CNTN6: variants seen among roughly 807,000 people sequenced by gnomAD.
CNTN6 encodes the protein contactin-6.
CNTN6 carries 137 observed loss-of-function variants against 122.8 expected under a neutral mutation model. The ratio of observed to expected loss-of-function variants is 1.12; its 90% CI spans 0.97 to 1.29. The LOEUF (loss-of-function observed/expected upper bound fraction) is 1.29. Among genes scored for constraint, CNTN6 ranks in the 50% most tolerant of loss-of-function variants. The pLI is 0.00. For missense variants in CNTN6, 1,634 were observed against 1,223.4 expected (o/e 1.34, Z -5.01); for synonymous variants, 570 against 426.0 (o/e 1.34, Z -4.16).
At chr3:1,206,711 A>G (rs545896913) in intron 2 of CNTN6, among the ~76,000 whole-genome samples, 1 of 152,084 alleles carries the variant, frequency 6.6e-6, no homozygotes, top group Non-Finnish European at 1.5e-5. Context: ...TCCTCACTCC[A>G]TTCAGGATGT....
intron 5 of CNTN6, among the ~76,000 whole-genome samples, chr3:1,285,055 A>G (rs1694104411): frequency 1.3e-5 from 2 of 152,170 alleles, no homozygotes; most frequent in South Asian, 4.1e-4. Flanking sequence ...GTAAAAATTT[A>G]CTCTGGATAG....
At chr3:1,288,440 G>A (rs532226821) in intron 5 of CNTN6, among the ~76,000 whole-genome samples, 7 of 152,282 alleles carry the variant, frequency 4.6e-5, no homozygotes, top group African/African-American at 1.7e-4. Flanking sequence ...TTTTGCCACT[G>A]AGCTAGCATA....
chr3:1,104,817 T>C (rs1476746988), intron 1 of CNTN6, among the ~76,000 whole-genome samples: 1 of 152,152 alleles, frequency 6.6e-6, no homozygotes, highest in African/African-American at 2.4e-5. Flanking sequence ...CTTTATAGCT[T>C]GTTTTTATTA....
intron 20 of CNTN6, among the ~76,000 whole-genome samples, chr3:1,388,225 ACACTGCCTCCTCAAGTGGGTCCCT>A: frequency 6.7e-6 from 1 of 149,696 alleles, no homozygotes; most frequent in Admixed American, 6.7e-5. Context: ...GAGAACTGGC[ACACTGCCTCCTCAAGTGGGTCCCT>A]GACCCCTGAC....
chr3:1,331,975 C>T (rs1036528169), intron 11 of CNTN6, among the ~76,000 whole-genome samples: 1 of 151,920 alleles, frequency 6.6e-6, no homozygotes, highest in Non-Finnish European at 1.5e-5. Flanking sequence ...ACCACAGTTA[C>T]TAATAATCAT....
intron 13 of CNTN6, 79 bp from the exon 14 acceptor site, chr3:1,372,759 A>G: frequency 1.2e-6 from 1 of 868,330 alleles, no homozygotes; most frequent in Admixed American, 2.4e-5. Flanking sequence ...TATGTTTCGT[A>G]TTTATCCAGC....
intron 8 of CNTN6, among the ~76,000 whole-genome samples, chr3:1,322,656 G>A (rs1701025564): frequency 6.6e-6 from 1 of 151,650 alleles, no homozygotes; most frequent in Admixed American, 6.6e-5. Context: ...GTATGTGTGT[G>A]TGTGTGTAAT....
At chr3:1,184,372 A>G (rs1023970290) in intron 2 of CNTN6, among the ~76,000 whole-genome samples, 2 of 152,164 alleles carry the variant, frequency 1.3e-5, no homozygotes. Flanking sequence ...CTAACCCAGA[A>G]ATTACAGTGA....
rs1481833174 is a variant in CNTN6 at position 1,329,847 on chromosome 3, G to T, written c.1276G>T (p.Asp426Tyr). The change falls in exon 11 of 23, where the codon GAT becomes TAT. Residue 426 changes from aspartate to tyrosine, a missense_variant. Asp to Tyr is a radical substitution (Grantham distance 160, BLOSUM62 -3). Transcript: ENST00000446702. ...KKKSFVQVGG[D>Y]IVIGCKPNAF... ...AAAGTCTTTTGTTCAAGTTGGTGGGGATATTGTTATCGGATGCAAACCAAA... is the reference window on the plus strand; with the variant it reads ...AAAGTCTTTTGTTCAAGTTGGTGGGTATATTGTTATCGGATGCAAACCAAA... 6.2e-7 allele frequency: 1 copy of T among 1,611,050 alleles called. No homozygotes were observed. Among genetic ancestry groups the T allele is most frequent in the Non-Finnish European group, 8.5e-7 (1 of 1,178,126 alleles).
intron 1 of CNTN6, among the ~76,000 whole-genome samples, chr3:1,141,077 A>G (rs983013933): frequency 2.6e-5 from 4 of 152,212 alleles, no homozygotes; most frequent in Non-Finnish European, 4.4e-5. Context: ...GATTTAGCTT[A>G]AAAGTAAATA....
intron 5 of CNTN6, among the ~76,000 whole-genome samples, chr3:1,279,671 A>G (rs1693026416): frequency 6.6e-6 from 1 of 152,198 alleles, no homozygotes; most frequent in South Asian, 2.1e-4. Flanking sequence ...CCACTCTGGA[A>G]TGGGAGAACT....
At chr3:1,394,242 AC>A (rs1390513161) in intron 20 of CNTN6, 1 of 239,768 alleles carries the variant, frequency 4.2e-6, no homozygotes, top group Non-Finnish European at 8.3e-6. Context: ...TGCCAGCCCC[AC>A]TGCCAGGAAC....
intron 7 of CNTN6, among the ~76,000 whole-genome samples, chr3:1,310,875 C>T (rs1699122193): frequency 6.6e-6 from 1 of 152,010 alleles, no homozygotes; most frequent in Non-Finnish European, 1.5e-5. Context: ...GTGGTGCACA[C>T]CTGTAATCCC....
chr3:1,321,921 A>T, intron 8 of CNTN6, 87 bp downstream of exon 8: 1 of 1,178,546 alleles, frequency 8.5e-7, no homozygotes, highest in Non-Finnish European at 1.2e-6. Context: ...TGTTGTGAAA[A>T]AGTGTCACGG....
rs1244118250 is a variant in CNTN6 at position 1,321,818 on chromosome 3, T to C, written c.930T>C (p.Gly310=). ...TTCGAGGAAGAAACCTTGCAAAGGG[T>C]CAACTCATTTTTTATGGTGAGCTAA... is the stretch of plus-strand genomic sequence containing the variant. ...SNLRGRNLAK[G]QLIFYAPPEW... The change falls in exon 8 of 23, where the codon GGT becomes GGC. Residue 310 remains glycine (G), a synonymous_variant. Transcript: ENST00000446702. 6.2e-7 allele frequency: 1 copy of C among 1,604,242 alleles called. No homozygotes were observed. The highest frequency in any genetic ancestry group is 1.3e-5 in the African/African-American group (1 of 74,188).
At position 1,095,280 on chromosome 3, in the gene CNTN6, G is replaced by A. The variant is rs1022363550; in HGVS notation, c.-83+2160G>A. On this transcript the variant is annotated intron_variant, in intron 1 of 22. Transcript: ENST00000446702. ...GAGGTCAAGAGATTGAGACCATCCT[G>A]GCCAACATGGTGAAACCCCATTTCT... 9.9e-5 allele frequency among the ~76,000 whole-genome samples: 15 copies of A among 152,104 alleles called. No homozygotes were observed. The East Asian group carries it at 2.1e-3, about 22-fold the overall frequency.
chr3:1,185,221 T>G (rs991190798), intron 2 of CNTN6, among the ~76,000 whole-genome samples: 1 of 152,144 alleles, frequency 6.6e-6, no homozygotes, highest in South Asian at 2.1e-4. Flanking sequence ...AAATTCCTTC[T>G]CCTTAAAAGT....
At chr3:1,384,794 TATACAC>T (rs1692590634) in intron 19 of CNTN6, among the ~76,000 whole-genome samples, 1 of 107,136 alleles carries the variant, frequency 9.3e-6, no homozygotes, top group Admixed American at 9.7e-5. Context: ...TATATATATA[TATACAC>T]ACACACACAC....
intron 4 of CNTN6, among the ~76,000 whole-genome samples, chr3:1,264,202 C>A (rs1292943987): frequency 6.6e-6 from 1 of 152,048 alleles, no homozygotes; most frequent in Non-Finnish European, 1.5e-5. Flanking sequence ...TGAGTACCTA[C>A]TGTGGGCCAG....
Sources: gnomAD v4.1 joint callset for allele counts (sites outside exome capture counted in the v4.1 genomes callset) on GRCh38, gnomAD v4.1.1 for gene constraint, MANE v1.5 for transcripts, NCBI Gene and HGNC (gene_info 2026-07-23, HGNC 2026-07-21) for gene names.